NECAB2: variants seen among roughly 807,000 people sequenced by gnomAD.
The protein encoded by NECAB2 is N-terminal EF-hand calcium-binding protein 2.
NECAB2 carries 68 observed loss-of-function variants against 51.9 expected under a neutral mutation model. That is an observed-to-expected ratio of 1.31 (90% confidence interval 1.08 to 1.60). The LOEUF (loss-of-function observed/expected upper bound fraction) is 1.60. Among genes scored for constraint, NECAB2 ranks in the 40% most tolerant of loss-of-function variants. The pLI is 0.00. For synonymous variants in NECAB2, 329 were observed against 203.5 expected, an observed-to-expected ratio of 1.62 and a Z score of -5.25; for missense variants, 854 against 490.3, an observed-to-expected ratio of 1.74 and a Z score of -7.00.
chr16:83,995,426 A>C (rs955684515), intron 8 of NECAB2, among the ~76,000 whole-genome samples: 3 of 152,086 alleles, frequency 2.0e-5, no homozygotes, highest in African/African-American at 7.3e-5. Flanking sequence ...CCTCCCTCAT[A>C]GGGGTGTCGT....
Position 83,981,079 on chromosome 16 carries a change from G to A in NECAB2, c.411G>A (p.Leu137=). 6.2e-7 allele frequency: 1 copy of A among 1,614,182 alleles called. No individual in the cohort carries two copies. Residue 137 remains leucine (L), a synonymous_variant, in exon 5 of 13, where the codon CTG becomes CTA. Transcript: ENST00000305202. ...MGDYEDVLAS[L]ETLNHSVLKA... The stretch of plus-strand genomic sequence containing the variant: ...ACTATGAGGATGTCCTGGCCTCCCT[G>A]GAGACCTTGAATCACTCTGTCCTGA...
At position 83,997,187 on chromosome 16, in the gene NECAB2, T is replaced by G. The variant is rs766353839; in HGVS notation, c.796-29T>G. On this transcript the variant is annotated intron_variant, in intron 8 of 12. Coordinates refer to ENST00000305202, the MANE Select transcript of NECAB2 (RefSeq NM_019065.3). ...CCGGGGCGGAGTGGGGCTCTGGGTCTAGCATCACTGTGTGCTGGATTGTTT... is the reference window on the plus strand; with the variant it reads ...CCGGGGCGGAGTGGGGCTCTGGGTCGAGCATCACTGTGTGCTGGATTGTTT... The G allele has an allele frequency of 1.9e-6, 3 of 1,613,958 alleles. No individual in the cohort carries two copies. In the South Asian group the frequency reaches 3.3e-5, roughly 18 times the overall value.
intron 11 of NECAB2, among the ~76,000 whole-genome samples, chr16:84,001,205 G>A (rs967967544): frequency 3.9e-5 from 6 of 152,128 alleles, no homozygotes; most frequent in South Asian, 2.1e-4. Context: ...TGCCCGGTAC[G>A]AGGGACGGAG....
At chr16:83,983,289 G>C (rs1307443814) in intron 5 of NECAB2, among the ~76,000 whole-genome samples, 2 of 152,160 alleles carry the variant, frequency 1.3e-5, no homozygotes, top group South Asian at 2.1e-4. Flanking sequence ...CAGTTATTAA[G>C]AGTGCCGTTG....
intron 5 of NECAB2, among the ~76,000 whole-genome samples, chr16:83,990,168 G>A (rs988882119): frequency 6.6e-6 from 1 of 152,200 alleles, no homozygotes; most frequent in South Asian, 2.1e-4. Context: ...GGCAGGCCCT[G>A]TGCAGAGCAT....
Position 83,994,676 on chromosome 16 carries a change from G to A in NECAB2, c.783G>A (p.Arg261=). 6.2e-7 allele frequency: 1 copy of A among 1,614,130 alleles called. No homozygotes were observed. Among genetic ancestry groups the A allele is most frequent in the African/African-American group, 1.3e-5 (1 of 75,064 alleles). ...GCCGCTTGGCAGAGCTGATTGGGAGGCTGGAGAGCAAAGTAAGCCCTGGCC... is the reference window on the plus strand; with the variant it reads ...GCCGCTTGGCAGAGCTGATTGGGAGACTGGAGAGCAAAGTAAGCCCTGGCC... ...QISRLAELIG[R]LESKALWFDL... The change falls in exon 8 of 13, where the codon AGG becomes AGA. Residue 261 remains arginine, a synonymous_variant. Coordinates refer to ENST00000305202, the MANE Select transcript of NECAB2 (RefSeq NM_019065.3).
At chr16:83,966,066 G>GTCCT, upstream of NECAB2, 1 of 1,329,214 alleles carries the variant, frequency 7.5e-7, no homozygotes. Flanking sequence ...CCACATCCCT[G>GTCCT]CTGGATGCAG....
At position 84,001,319 on chromosome 16, in the gene NECAB2, C is replaced by G. The variant is rs564871541; in HGVS notation, c.1041-506C>G. Among the ~76,000 whole-genome samples the G allele has an allele frequency of 5.9e-4, 90 of 152,226 alleles. 1 individual carries two copies. The highest frequency in any genetic ancestry group is 2.1e-3 in the African/African-American group (86 of 41,506). On this transcript the variant is annotated intron_variant, in intron 11 of 12. Coordinates refer to ENST00000305202, the MANE Select transcript of NECAB2 (RefSeq NM_019065.3). ...ACTATTGCTGATGCGCCAGACCCCACAGGCAGGAAGCGGGGCCTAGGGGTA... is the reference window on the plus strand; with the variant it reads ...ACTATTGCTGATGCGCCAGACCCCAGAGGCAGGAAGCGGGGCCTAGGGGTA...
chr16:83,986,678 AAT>A (rs1491560878), intron 5 of NECAB2, among the ~76,000 whole-genome samples: 1 of 136,702 alleles, frequency 7.3e-6, no homozygotes, highest in African/African-American at 3.5e-5. Context: ...ACTCACGGCA[AAT>A]TTTTTTTTTT....
intron 5 of NECAB2, among the ~76,000 whole-genome samples, chr16:83,983,178 G>A (rs531202637): frequency 3.3e-5 from 5 of 152,112 alleles, no homozygotes; most frequent in Non-Finnish European, 7.4e-5. Context: ...TTTTGCTTGC[G>A]TATTTCCTAA....
chr16:83,965,999 C>G (rs1411877260), upstream of NECAB2: 4 of 1,570,252 alleles, frequency 2.5e-6, no homozygotes, highest in Non-Finnish European at 1.7e-6. Context: ...GACCAGGAAG[C>G]CACCCTAACA....
At chr16:84,002,243 T>G in intron 12 of NECAB2, 75 bp from the exon 13 acceptor site, 8 of 1,558,352 alleles carry the variant, frequency 5.1e-6, no homozygotes, top group Non-Finnish European at 6.2e-6. Context: ...GACCTGTCAT[T>G]CAAGACGACC....
intron 10 of NECAB2, 87 bp from the exon 11 acceptor site, chr16:84,000,637 G>A (rs930054986): frequency 9.4e-7 from 1 of 1,067,706 alleles, no homozygotes; most frequent in African/African-American, 1.5e-5. Context: ...GTGTATAGTG[G>A]TGGGTCTCAG....
At position 83,998,298 on chromosome 16, in the gene NECAB2, G is replaced by T. The variant is rs778897412; in HGVS notation, c.943G>T (p.Gly315Cys). The change falls in exon 10 of 13, where the codon GGC becomes TGC. Residue 315 changes from glycine (G) to cysteine (C), a missense_variant. By Grantham distance (159) the Gly-to-Cys change is radical (BLOSUM62 -3). Transcript: ENST00000305202. ...SLRQYLRGTT[G>C]VRNCFHITAV... Reference sequence around the variant, plus strand: ...GCGCCAGTATCTGCGGGGGACCACTGGCGTGAGGAACTGCTTCCAGTGAGT... The same window carrying T: ...GCGCCAGTATCTGCGGGGGACCACTTGCGTGAGGAACTGCTTCCAGTGAGT... 3 of 1,613,534 alleles carry T rather than the reference G, an allele frequency of 1.9e-6. No individual in the cohort carries two copies. Among genetic ancestry groups the T allele is most frequent in the Non-Finnish European group, 2.5e-6 (3 of 1,179,984 alleles).
chr16:83,996,140 G>C (rs1276619279), intron 8 of NECAB2, among the ~76,000 whole-genome samples: 2 of 152,202 alleles, frequency 1.3e-5, no homozygotes. Context: ...GGAGGCTCTA[G>C]GGGCCCCTGG....
At chr16:83,972,008 G>C (rs977053974) in intron 1 of NECAB2, 143 bp from the exon 2 acceptor site, 5 of 1,089,934 alleles carry the variant, frequency 4.6e-6, no homozygotes, top group South Asian at 4.3e-5. Context: ...AGCCCGGGGA[G>C]GGGGAGAGGG....
rs1257902248 is a variant in NECAB2, at chr16:83,968,800, C to G, written c.152C>G (p.Ala51Gly). 5.3e-6 allele frequency: 6 copies of G among 1,126,398 alleles called. No individual in the cohort carries two copies. The highest frequency in any genetic ancestry group is 4.8e-5 in the East Asian group (1 of 20,954). The allele number at this position is 1,126,398 out of a possible 1,614,324, so 69.8% of individuals were successfully genotyped here. ...PRESLAPAAPADPGPASPRGG... is the reference protein window; with the variant it reads ...PRESLAPAAPGDPGPASPRGG... The stretch of plus-strand genomic sequence containing the variant: ...GAGTCGCTGGCCCCCGCCGCCCCCG[C>G]GGACCCCGGCCCAGCCTCGCCGCGC... Residue 51 changes from alanine (A) to glycine (G), a missense_variant, in exon 1 of 13, where the codon GCG (alanine) becomes GGG (glycine). Transcript: ENST00000305202.
At chr16:83,980,256 C>G (rs2084468587) in intron 3 of NECAB2, among the ~76,000 whole-genome samples, 1 of 152,236 alleles carries the variant, frequency 6.6e-6, no homozygotes, top group Non-Finnish European at 1.5e-5. Context: ...CACCATAGTT[C>G]CCAGCACTGC....
rs541662461 is a variant in NECAB2 at position 84,001,669 on chromosome 16, G to A, written c.1041-156G>A. Among the ~76,000 whole-genome samples, 215 of 104,386 alleles carry A rather than the reference G, an allele frequency of 2.1e-3. 1 individual carries two copies. The highest frequency in any genetic ancestry group is 2.2e-3 in the Admixed American group (28 of 12,492). The allele number at this position is 104,386 out of a possible 152,430, so 68.5% of individuals were successfully genotyped here. ...CCCACCCCAGAGTCAGCCTCCCTGG[G>A]CACCCCCTCACCTTCCCACAAAGGC... On this transcript the variant is annotated intron_variant, in intron 11 of 12. Coordinates refer to ENST00000305202, the MANE Select transcript of NECAB2 (RefSeq NM_019065.3).
Sources: gnomAD v4.1 joint callset for allele counts (sites outside exome capture counted in the v4.1 genomes callset) on GRCh38, gnomAD v4.1.1 for gene constraint, MANE v1.5 for transcripts, NCBI Gene and HGNC (gene_info 2026-07-23, HGNC 2026-07-21) for gene names.